The following CDKL4 variants were observed in gnomAD, a reference collection of about 807,000 sequenced individuals.
CDKL4 encodes the protein cyclin-dependent kinase-like 4.
A neutral mutation model predicts 42.0 loss-of-function variants in CDKL4; 44 were observed. That is an observed-to-expected ratio of 1.05 (90% CI 0.82 to 1.35). The LOEUF (loss-of-function observed/expected upper bound fraction) is 1.35. Among genes scored for constraint, CDKL4 ranks in the 40% most tolerant of loss-of-function variants. The pLI is 0.00. For missense variants in CDKL4, 393 were observed against 369.9 expected, an observed-to-expected ratio of 1.06 and a Z score of -0.51; for synonymous variants, 120 against 121.6, an observed-to-expected ratio of 0.99 and a Z score of 0.09.
At chr2:39,207,826 G>A (rs2148341296) in intron 4 of CDKL4, among the ~76,000 whole-genome samples, 1 of 152,308 alleles carries the variant, frequency 6.6e-6, no homozygotes, top group East Asian at 1.9e-4. Context: ...ACCTGGCTGG[G>A]CGTGGTGGCT....
chr2:39,227,615 T>G (rs535411108), intron 2 of CDKL4, among the ~76,000 whole-genome samples: 1 of 152,264 alleles, frequency 6.6e-6, no homozygotes, highest in East Asian at 1.9e-4. Context: ...TTGTTTTCTA[T>G]GTGCTCCACT....
chr2:39,232,165 T>C (rs1679118651), intron 1 of CDKL4, among the ~76,000 whole-genome samples: 1 of 152,206 alleles, frequency 6.6e-6, no homozygotes, highest in Admixed American at 6.5e-5. Context: ...TTAGATCTCA[T>C]AATCACATCA....
At chr2:39,169,395 T>C in the CDKL4 span, among the ~76,000 whole-genome samples, 1 of 152,098 alleles carries the variant, frequency 6.6e-6, no homozygotes, top group African/African-American at 2.4e-5. Flanking sequence ...GTCGTGTGTG[T>C]GTTTGCGTGA....
intron 5 of CDKL4, among the ~76,000 whole-genome samples, chr2:39,190,775 G>A (rs903146843): frequency 1.1e-4 from 17 of 152,204 alleles, no homozygotes; most frequent in Admixed American, 9.8e-4. Flanking sequence ...AATTTCTGGA[G>A]TGTGACTTTA....
chr2:39,225,994 C>A, intron 2 of CDKL4, 34 bp from the exon 3 acceptor site: 1 of 1,596,052 alleles, frequency 6.3e-7, no homozygotes, highest in Non-Finnish European at 8.5e-7. Flanking sequence ...GTTAAGTGAT[C>A]TGTTACTAGT....
rs1410978957 is a variant in CDKL4, at chr2:39,185,325, T to TAC, written c.736-680_736-679dup. ...ACACATATGTATATATACATATATA[T>TAC]ACACATATGTATATATATACACATA... is the stretch of plus-strand genomic sequence containing the variant. On this transcript the variant is annotated intron_variant, in intron 7 of 9. Coordinates refer to ENST00000451199, the Ensembl canonical transcript of CDKL4. 1.9e-3 allele frequency among the ~76,000 whole-genome samples: 190 copies of TAC among 100,828 alleles called. 35 individuals are homozygous for TAC. The highest frequency in any genetic ancestry group is 7.3e-3 in the African/African-American group (166 of 22,882). The allele number at this position is 100,828 out of a possible 152,430, so 66.1% of individuals were successfully genotyped here.
intron 4 of CDKL4, among the ~76,000 whole-genome samples, chr2:39,208,498 G>T (rs1471651739): frequency 6.6e-6 from 1 of 151,842 alleles, no homozygotes; most frequent in Non-Finnish European, 1.5e-5. Context: ...TCACCACCAC[G>T]CCTGGCTAAT....
At chr2:39,195,336 C>T (rs1676441990) in intron 5 of CDKL4, among the ~76,000 whole-genome samples, 1 of 152,210 alleles carries the variant, frequency 6.6e-6, no homozygotes, top group Non-Finnish European at 1.5e-5. Flanking sequence ...GGAATTGCTG[C>T]ATCATACAGT....
intron 1 of CDKL4, among the ~76,000 whole-genome samples, chr2:39,234,396 A>G (rs891845574): frequency 3.9e-5 from 6 of 152,194 alleles, no homozygotes; most frequent in Non-Finnish European, 8.8e-5. Context: ...GGCATTAAAG[A>G]AAGGCAGAAC....
intron 3 of CDKL4, among the ~76,000 whole-genome samples, chr2:39,215,184 T>C (rs1286260804): frequency 1.3e-5 from 2 of 152,250 alleles, no homozygotes; most frequent in Non-Finnish European, 2.9e-5. Flanking sequence ...TTTGCCAATC[T>C]GTGGTTAAAA....
At chr2:39,229,202 A>G (rs1225352948) in intron 2 of CDKL4, among the ~76,000 whole-genome samples, 163 bp downstream of exon 2, 1 of 152,240 alleles carries the variant, frequency 6.6e-6, no homozygotes, top group Non-Finnish European at 1.5e-5. Context: ...ACAAAATCAG[A>G]GTGGCCGAAG....
In CDKL4 at chr2:39,190,410, C is replaced by T. The variant is rs139561238; in HGVS notation, c.547G>A (p.Asp183Asn). 20 of 1,613,856 alleles carry T rather than the reference C, an allele frequency of 1.2e-5. No individual in the cohort carries two copies. The highest frequency in any genetic ancestry group is 6.7e-5 in the Admixed American group (4 of 59,966). The change falls in exon 6 of 10, where the codon GAT (aspartate) becomes AAT (asparagine). Residue 183 changes from aspartate to asparagine, a missense_variant. By Grantham distance (23) the Asp-to-Asn change is conservative (BLOSUM62 1). Coordinates refer to ENST00000451199, the Ensembl canonical transcript of CDKL4. Reference sequence around the variant, plus strand: ...AAAACACAACCAATAGCCCATATATCGACTGAAGAACCATACTGAGTATCT... The same window carrying T: ...AAAACACAACCAATAGCCCATATATTGACTGAAGAACCATACTGAGTATCT...
intron 3 of CDKL4, among the ~76,000 whole-genome samples, 173 bp downstream of exon 3, chr2:39,225,666 A>G (rs1412290317): frequency 2.6e-5 from 4 of 152,196 alleles, no homozygotes; most frequent in African/African-American, 7.2e-5. Context: ...TATAACTCCT[A>G]TAGGTAAATC....
chr2:39,179,360 G>C (rs373367681), intron 8 of CDKL4, 39 bp from the exon 9 acceptor site: 1 of 1,505,060 alleles, frequency 6.6e-7, no homozygotes, highest in Non-Finnish European at 8.9e-7. Flanking sequence ...TGTTAAGGGA[G>C]GGGCTCATTT....
At chr2:39,220,017 A>AT (rs2148368617) in intron 3 of CDKL4, among the ~76,000 whole-genome samples, 2 of 152,258 alleles carry the variant, frequency 1.3e-5, no homozygotes, top group African/African-American at 4.8e-5. Context: ...ATCCACTGGG[A>AT]TCTCCATGAG....
chr2:39,226,770 C>T (rs947534235), intron 2 of CDKL4, among the ~76,000 whole-genome samples: 7 of 151,894 alleles, frequency 4.6e-5, no homozygotes, highest in Admixed American at 6.6e-5. Context: ...ATTCAGCATA[C>T]ACACCAGGAC....
At chr2:39,179,018 T>A (rs2148278035) in intron 9 of CDKL4, 169 bp downstream of exon 9, 2 of 1,465,600 alleles carry the variant, frequency 1.4e-6, no homozygotes, top group East Asian at 4.7e-5. Flanking sequence ...TTTTCATAGT[T>A]CTATGGTTTT....
chr2:39,173,030 T>C (rs1017112466), downstream of CDKL4, among the ~76,000 whole-genome samples: 4 of 152,214 alleles, frequency 2.6e-5, no homozygotes, highest in African/African-American at 7.2e-5. Context: ...AATTTTTTAA[T>C]GCAAGCAAAA....
At chr2:39,186,884 T>C (rs1675859771) in intron 7 of CDKL4, among the ~76,000 whole-genome samples, 1 of 152,222 alleles carries the variant, frequency 6.6e-6, no homozygotes, top group African/African-American at 2.4e-5. Context: ...ATTTTCACTT[T>C]AAATTTAACA....
Sources: gnomAD v4.1 joint callset for allele counts (sites outside exome capture counted in the v4.1 genomes callset) on GRCh38, gnomAD v4.1.1 for gene constraint, MANE v1.5 for transcripts, NCBI Gene and HGNC (gene_info 2026-07-23, HGNC 2026-07-21) for gene names.